ARMC9: variants seen among roughly 807,000 people sequenced by gnomAD.
ARMC9 encodes armadillo repeat containing 9.
ARMC9 carries 94 observed loss-of-function variants against 107.0 expected under a neutral mutation model. The observed-to-expected ratio is 0.88, with a 90% CI of 0.74 to 1.04. ARMC9 has a LOEUF of 1.04. Ranked by LOEUF, ARMC9 falls within the 50% of genes least tolerant of loss-of-function variation. ARMC9 has a pLI of 0.00. For synonymous variants in ARMC9, 380 were observed against 396.9 expected (o/e 0.96, Z 0.51); for missense variants, 942 against 1,030.1 (o/e 0.91, Z 1.17).
At position 231,219,777 on chromosome 2, in the gene ARMC9, CT is replaced by C. The variant is rs568312023; in HGVS notation, c.505-2942del. Among the ~76,000 whole-genome samples the C allele has an allele frequency of 4.3e-3, 651 of 150,274 alleles. 6 individuals are homozygous for C. Among genetic ancestry groups the C allele is most frequent in the African/African-American group, 0.014 (584 of 40,402 alleles). Reference sequence around the variant, plus strand: ...ATTAGACCTATTATATTCTCCATGTCTTTTTTTTTCATTAAAAAAATTGTAA... The same window carrying C: ...ATTAGACCTATTATATTCTCCATGTCTTTTTTTTCATTAAAAAAATTGTAA... On this transcript the variant is annotated intron_variant, in intron 5 of 24. Coordinates refer to ENST00000611582, the MANE Select transcript of ARMC9 (RefSeq NM_001352754.2).
chr2:231,240,091 T>A, intron 9 of ARMC9, 50 bp downstream of exon 9: 1 of 1,419,656 alleles, frequency 7.0e-7, no homozygotes, highest in Non-Finnish European at 9.8e-7. Flanking sequence ...CCCCCCAAAT[T>A]TAAAAAGAAT....
At position 231,337,614 on chromosome 2, in the gene ARMC9, C is replaced by T. The variant is rs574225608; in HGVS notation, c.1878+5717C>T. ...CCTCCCAAGTAGCTGGGACTACAGG[C>T]GCCCGCCACTACGCCCGGCTAGTTT... On this transcript the variant is annotated intron_variant, in intron 20 of 24. Transcript: ENST00000611582. 2.7e-5 allele frequency among the ~76,000 whole-genome samples: 4 copies of T among 149,014 alleles called. No homozygotes were observed. In the East Asian group the frequency reaches 5.8e-4, roughly 22 times the overall value.
intron 20 of ARMC9, among the ~76,000 whole-genome samples, chr2:231,341,797 C>G (rs1259840179): frequency 6.6e-6 from 1 of 152,208 alleles, no homozygotes; most frequent in Non-Finnish European, 1.5e-5. Context: ...TGTTGACCAA[C>G]TTTTACTACT....
At chr2:231,305,170 T>C (rs2041972287) in intron 19 of ARMC9, among the ~76,000 whole-genome samples, 1 of 152,210 alleles carries the variant, frequency 6.6e-6, no homozygotes, top group African/African-American at 2.4e-5. Flanking sequence ...TAAATGAAAC[T>C]CTATCTACCT....
chr2:231,368,582 G>A (rs1323163968), intron 23 of ARMC9, among the ~76,000 whole-genome samples: 1 of 152,140 alleles, frequency 6.6e-6, no homozygotes, highest in Admixed American at 6.5e-5. Flanking sequence ...TAGGCAAAAG[G>A]TAGAATATGG....
intron 7 of ARMC9, among the ~76,000 whole-genome samples, chr2:231,231,375 A>G (rs1197905694): frequency 6.6e-6 from 1 of 152,184 alleles, no homozygotes; most frequent in Non-Finnish European, 1.5e-5. Context: ...CTATATATAT[A>G]TGAAAAACTT....
At chr2:231,292,934 A>G (rs1010586029) in intron 18 of ARMC9, among the ~76,000 whole-genome samples, 17 of 152,240 alleles carry the variant, frequency 1.1e-4, no homozygotes, top group Non-Finnish European at 2.2e-4. Context: ...AAATTAAATC[A>G]GAACCTCTCA....
intron 18 of ARMC9, chr2:231,295,989 A>G (rs1366838521): frequency 2.6e-6 from 1 of 391,514 alleles, no homozygotes; most frequent in African/African-American, 2.1e-5. Context: ...ATGTTCTGGT[A>G]AAAATGGAGA....
intron 22 of ARMC9, among the ~76,000 whole-genome samples, chr2:231,356,687 A>G (rs200835008): frequency 6.6e-6 from 1 of 151,018 alleles, no homozygotes; most frequent in East Asian, 1.9e-4. Flanking sequence ...GTTATTTGCA[A>G]CTCCTGGGTC....
rs182033039 is a variant in ARMC9, at chr2:231,264,752, C to A, written c.1119+2354C>A. Among the ~76,000 whole-genome samples the A allele has an allele frequency of 4.9e-4, 74 of 152,240 alleles. No individual in the cohort carries two copies. In the South Asian group the frequency reaches 5.6e-3, roughly 12 times the overall value. ...CCTCGGGTGATCCGCCCGCCTCAGCCTCCCGAAGTGCTGGGATTACAGGCC... is the reference window on the plus strand; with the variant it reads ...CCTCGGGTGATCCGCCCGCCTCAGCATCCCGAAGTGCTGGGATTACAGGCC... On this transcript the variant is annotated intron_variant, in intron 12 of 24. Transcript: ENST00000611582.
intron 7 of ARMC9, among the ~76,000 whole-genome samples, chr2:231,228,224 A>G (rs1304110068): frequency 1.3e-5 from 2 of 152,204 alleles, no homozygotes; most frequent in Admixed American, 6.5e-5. Context: ...CCACTGTTCC[A>G]TTGCTGCCTG....
intron 19 of ARMC9, among the ~76,000 whole-genome samples, chr2:231,311,840 T>A (rs893525645): frequency 2.0e-5 from 3 of 151,184 alleles, no homozygotes; most frequent in Non-Finnish European, 4.4e-5. Flanking sequence ...AGAGAATCCC[T>A]TCATCCCTTC....
At chr2:231,233,446 C>T (rs1232545090) in intron 7 of ARMC9, among the ~76,000 whole-genome samples, 1 of 152,092 alleles carries the variant, frequency 6.6e-6, no homozygotes. Context: ...TTGCATGCCA[C>T]TGCTTTAGGA....
Position 231,214,923 on chromosome 2 carries a change from C to A in ARMC9, c.270C>A (p.Asp90Glu). The change falls in exon 4 of 25, where the codon GAC becomes GAA. Residue 90 changes from aspartate to glutamate, a missense_variant. Transcript: ENST00000611582. ...EHISSSIRDG[D>E]SFAQKLEFYL... ...TTTCAAGTTCCATCCGAGATGGGGA[C>A]TCCTTTGCCCAGAAGCTGGAATTCT... is the stretch of plus-strand genomic sequence containing the variant. 2 of 1,614,154 alleles carry A rather than the reference C, an allele frequency of 1.2e-6. No individual in the cohort carries two copies. The highest frequency in any genetic ancestry group is 8.5e-7 in the Non-Finnish European group (1 of 1,180,028).
chr2:231,222,725 TAGG>T lies in ARMC9; in HGVS notation c.505-1_506del. ...TTGTATTTTTGTTCCCTTTTTTCTT[TAGG>T]ATTCCTGGACTCCAGAGTTAAAGTT... On this transcript the variant is annotated splice_acceptor_variant and coding_sequence_variant, in exon 6 of 25. Coordinates refer to ENST00000611582, the MANE Select transcript of ARMC9 (RefSeq NM_001352754.2). LOFTEE classifies it high-confidence loss of function. 1 of 1,496,116 alleles carries T rather than the reference TAGG, an allele frequency of 6.7e-7. No homozygotes were observed. Among genetic ancestry groups the T allele is most frequent in the Admixed American group, 1.8e-5 (1 of 55,808 alleles). The allele number at this position is 1,496,116 out of a possible 1,614,324, so 92.7% of individuals were successfully genotyped here. A position where few individuals can be genotyped will look rare whatever the true frequency, so the allele number is the denominator to read the frequency against.
At chr2:231,287,970 G>C (rs1196159364) in intron 17 of ARMC9, among the ~76,000 whole-genome samples, 1 of 152,204 alleles carries the variant, frequency 6.6e-6, no homozygotes, top group East Asian at 1.9e-4. Flanking sequence ...GGGTACTCCT[G>C]AGCCTGAGGC....
chr2:231,247,472 C>T (rs2036878442), intron 9 of ARMC9, among the ~76,000 whole-genome samples: 1 of 152,184 alleles, frequency 6.6e-6, no homozygotes, highest in Non-Finnish European at 1.5e-5. Flanking sequence ...TACATCTTGG[C>T]AAATGCCTAC....
chr2:231,252,509 C>G (rs2125396782), intron 9 of ARMC9, among the ~76,000 whole-genome samples: 1 of 152,298 alleles, frequency 6.6e-6, no homozygotes, highest in South Asian at 2.1e-4. Context: ...CTCGGCCTCC[C>G]AAAGTACTGG....
At chr2:231,293,718 TTAAA>T (rs1267526439) in intron 18 of ARMC9, 1 of 152,230 alleles carries the variant, frequency 6.6e-6, no homozygotes, top group Non-Finnish European at 1.5e-5. Flanking sequence ...AAGTTACTGT[TTAAA>T]TAAAGAGGGC....
Sources: allele counts gnomAD v4.1 joint callset (sites outside exome capture counted in the v4.1 genomes callset), GRCh38; gene constraint gnomAD v4.1.1; transcripts MANE v1.5; gene names NCBI Gene and HGNC (gene_info 2026-07-23, HGNC 2026-07-21).